CDHR4: variants seen among roughly 807,000 people sequenced by gnomAD.
CDHR4 encodes the protein cadherin-related family member 4.
CDHR4 carries 89 observed loss-of-function variants against 88.4 expected under a neutral mutation model. The ratio of observed to expected loss-of-function variants is 1.01; its 90% CI spans 0.85 to 1.20. The LOEUF is 1.20. Ranked by LOEUF, CDHR4 falls within the 50% of genes most tolerant of loss-of-function variation. CDHR4 has a pLI of 0.00. For synonymous variants in CDHR4, 368 were observed against 399.2 expected (o/e 0.92, Z 0.93); for missense variants, 914 against 1,007.2 (o/e 0.91, Z 1.25).
chr3:49,791,889 C>T lies in CDHR4; in HGVS notation c.2195+14G>A. The T allele has an allele frequency of 6.4e-7, 1 of 1,551,692 alleles. No homozygotes were observed. The highest frequency in any genetic ancestry group is 8.7e-7 in the Non-Finnish European group (1 of 1,146,972). ...ATGGGATCCCAGGCATAGAAGTATG[C>T]AAAGGAGACTGACCTGTTTAGCAGC... On this transcript the variant is annotated intron_variant, in intron 16 of 18. Coordinates refer to ENST00000412678, the MANE Select transcript of CDHR4 (RefSeq NM_001007540.4).
At chr3:49,799,670 C>A (rs1374759443) in intron 1 of CDHR4, 94 bp downstream of exon 1, 14 of 1,391,944 alleles carry the variant, frequency 1.0e-5, no homozygotes, top group East Asian at 2.3e-5. Flanking sequence ...ACTTTCCTAC[C>A]TCTCCCCCAA....
chr3:49,794,806 CCT>C (rs1241360066), intron 9 of CDHR4, 105 bp from the exon 10 acceptor site: 1 of 1,426,102 alleles, frequency 7.0e-7, no homozygotes, highest in Non-Finnish European at 9.5e-7. Flanking sequence ...TTGCCTGGAT[CCT>C]GTTTTCCAGA....
Position 49,798,811 on chromosome 3 carries a change from A to C in CDHR4, c.495+15T>G. On this transcript the variant is annotated intron_variant, in intron 4 of 18. Transcript: ENST00000412678. The stretch of plus-strand genomic sequence containing the variant: ...CCCCCATCCTGTCACCCACCGTCCC[A>C]TGTTCTGGGCTTACCTGCGCTCCGT... The C allele has an allele frequency of 6.2e-7, 1 of 1,611,114 alleles. No individual in the cohort carries two copies. Among genetic ancestry groups the C allele is most frequent in the Non-Finnish European group, 8.5e-7 (1 of 1,177,940 alleles).
chr3:49,791,700 G>A lies in CDHR4; in HGVS notation c.2283+14C>T. On this transcript the variant is annotated intron_variant, in intron 17 of 18. Coordinates refer to ENST00000412678, the MANE Select transcript of CDHR4 (RefSeq NM_001007540.4). ...CCCTTGGTGTCCACTACTTGAGATG[G>A]TGAGCTGACATACCAGACTCATGAC... 1 of 1,551,392 alleles carries A rather than the reference G, an allele frequency of 6.4e-7. No homozygotes were observed.
At chr3:49,791,549 C>T (rs571275236) in intron 17 of CDHR4, 81 bp from the exon 18 acceptor site, 4 of 1,508,850 alleles carry the variant, frequency 2.7e-6, no homozygotes, top group East Asian at 2.5e-5. Context: ...CCCTAGGGGG[C>T]CAGAAGCCCA....
chr3:49,791,740 G>A lies in CDHR4; in HGVS notation c.2257C>T (p.Gln753Ter), dbSNP rs2081182954. 1.9e-6 allele frequency: 3 copies of A among 1,551,684 alleles called. No individual in the cohort carries two copies. The highest frequency in any genetic ancestry group is 2.6e-6 in the Non-Finnish European group (3 of 1,146,978). Residue 753 changes from glutamine to a stop codon, truncating the protein, a stop_gained, in exon 17 of 19, where the codon CAG becomes TAG. Coordinates refer to ENST00000412678, the MANE Select transcript of CDHR4 (RefSeq NM_001007540.4). LOFTEE classifies it high-confidence loss of function. ...FLEAPKMEMS[Q>*]APSSVMSLHF... Reference sequence around the variant, plus strand: ...AGACTCATGACACTGCTGGGTGCCTGGGACATCTCCATCTTCGGTGCCTCC... The same window carrying A: ...AGACTCATGACACTGCTGGGTGCCTAGGACATCTCCATCTTCGGTGCCTCC...
chr3:49,793,587 A>G lies in CDHR4; in HGVS notation c.1619T>C (p.Val540Ala), dbSNP rs777124677. 1.5e-5 allele frequency: 23 copies of G among 1,551,468 alleles called. No homozygotes were observed. In the South Asian group the frequency reaches 2.6e-4, roughly 18 times the overall value. Residue 540 changes from valine (V) to alanine (A), a missense_variant, in exon 12 of 19, where the codon GTT (valine) becomes GCT (alanine). Physicochemically the swap from Val to Ala is moderately conservative, Grantham distance 64 (BLOSUM62 0). Coordinates refer to ENST00000412678, the MANE Select transcript of CDHR4 (RefSeq NM_001007540.4). ...LSGSCTITIEVEDVNDHAPEC... is the reference protein window; with the variant it reads ...LSGSCTITIEAEDVNDHAPEC... ...AAAGCCTTAGGACGCAATTACCTCA[A>G]CCTCGATGGTAATGGTACAGGAGCC...
rs1277489833 is a variant in CDHR4 at position 49,793,903 on chromosome 3, T to A, written c.1383A>T (p.Leu461=). The part of the protein sequence containing the change: ...RVQEDAAPHT[L]LGSVVGTDMD... ...TATCCGTGCCCACCACGGAGCCCAG[T>A]AGAGTGTGGGGCGCCGCATCCTCCT... is the stretch of plus-strand genomic sequence containing the variant. Residue 461 remains leucine, a synonymous_variant, in exon 11 of 19, where the codon CTA becomes CTT. Transcript: ENST00000412678. 1.9e-6 allele frequency: 3 copies of A among 1,551,556 alleles called. No individual in the cohort carries two copies. Among genetic ancestry groups the A allele is most frequent in the Non-Finnish European group, 2.6e-6 (3 of 1,146,984 alleles).
intron 5 of CDHR4, among the ~76,000 whole-genome samples, chr3:49,796,544 C>G (rs1161046836): frequency 6.6e-6 from 1 of 152,124 alleles, no homozygotes; most frequent in Non-Finnish European, 1.5e-5. Flanking sequence ...TCCATGTTGG[C>G]CAGGCTGGTC....
rs370105554 is a variant in CDHR4, at chr3:49,792,895, G to A, written c.1954C>T (p.Arg652Trp). Residue 652 changes from arginine (R) to tryptophan (W), a missense_variant, in exon 14 of 19, where the codon CGG (arginine) becomes TGG (tryptophan). Physicochemically the swap from Arg to Trp is moderately radical, Grantham distance 101. Coordinates refer to ENST00000412678, the MANE Select transcript of CDHR4 (RefSeq NM_001007540.4). ...CTGGTGGCCACTGTGCTGGCCCTCC[G>A]GGGAACTAGATGCACAATAATGGTG... ...TATIIVHLVP[R>W]RASTVATSTH... The A allele has an allele frequency of 3.5e-5, 55 of 1,549,718 alleles. No homozygotes were observed. The highest frequency in any genetic ancestry group is 7.9e-5 in the Admixed American group (4 of 50,936).
In CDHR4 at chr3:49,799,333, T is replaced by G. The variant is rs937559414; in HGVS notation, c.154A>C (p.Thr52Pro). Reference sequence around the variant, plus strand: ...GGCTGGACATTGAGCAACTCCAGGGTGGGTGTGGGCGTGTAGGAGGAGCAG... The same window carrying G: ...GGCTGGACATTGAGCAACTCCAGGGGGGGTGTGGGCGTGTAGGAGGAGCAG... The part of the protein sequence containing the change: ...FNCSSYTPTP[T>P]LELLNVQPPT... The change falls in exon 2 of 19, where the codon ACC becomes CCC. Residue 52 changes from threonine (T) to proline (P), a missense_variant. Thr to Pro is a conservative substitution (Grantham distance 38, BLOSUM62 -1). Transcript: ENST00000412678. 1 of 1,613,576 alleles carries G rather than the reference T, an allele frequency of 6.2e-7. No homozygotes were observed. Among genetic ancestry groups the G allele is most frequent in the Non-Finnish European group, 8.5e-7 (1 of 1,179,794 alleles).
upstream of CDHR4, among the ~76,000 whole-genome samples, chr3:49,800,357 C>G (rs572144811): frequency 6.6e-6 from 1 of 151,876 alleles, no homozygotes; most frequent in East Asian, 1.9e-4. Context: ...GAGACCCCAT[C>G]TCTACAAAAA....
chr3:49,793,744 T>C, intron 11 of CDHR4, 22 bp from the exon 12 acceptor site: 1 of 1,551,604 alleles, frequency 6.4e-7, no homozygotes, highest in Non-Finnish European at 8.7e-7. Flanking sequence ...GACCACAGCT[T>C]CAGCCTGCAG....
Position 49,798,936 on chromosome 3 carries a change from A to T in CDHR4, c.404-19T>A. The T allele has an allele frequency of 1.9e-6, 3 of 1,612,246 alleles. No individual in the cohort carries two copies. Among genetic ancestry groups the T allele is most frequent in the Non-Finnish European group, 2.5e-6 (3 of 1,179,284 alleles). On this transcript the variant is annotated intron_variant, in intron 3 of 18. Coordinates refer to ENST00000412678, the MANE Select transcript of CDHR4 (RefSeq NM_001007540.4). ...TCCCCAGCTGGCCAGAGTGGAGGTC[A>T]GGGAGGATCTGCTCAGGCCATGCCT...
At chr3:49,793,350 C>T (rs1447525500) in intron 12 of CDHR4, 39 bp from the exon 13 acceptor site, 1 of 1,541,234 alleles carries the variant, frequency 6.5e-7, no homozygotes, top group East Asian at 2.4e-5. Context: ...GTGGAACCCA[C>T]CCCCTAAACC....
At chr3:49,797,145 A>G (rs1190503151) in intron 4 of CDHR4, 113 bp from the exon 5 acceptor site, 1 of 650,828 alleles carries the variant, frequency 1.5e-6, no homozygotes, top group African/African-American at 1.8e-5. Flanking sequence ...CCTACACCCA[A>G]TTTATTTTCC....
chr3:49,791,329 T>C (rs2081176204), intron 18 of CDHR4, 112 bp downstream of exon 18: 1 of 1,185,316 alleles, frequency 8.4e-7, no homozygotes, highest in Non-Finnish European at 1.2e-6. Context: ...AGCAGATAGA[T>C]GGTGGGTTCC....
chr3:49,791,358 T>C (rs1263124187), intron 18 of CDHR4, 83 bp downstream of exon 18: 8 of 1,424,188 alleles, frequency 5.6e-6, no homozygotes, highest in South Asian at 2.8e-5. Context: ...GGAGGAGATA[T>C]TGAGATGGGG....
Position 49,795,323 on chromosome 3 carries a change from C to T in CDHR4, c.904G>A (p.Ala302Thr), listed in dbSNP as rs899981106. 15 of 1,551,414 alleles carry T rather than the reference C, an allele frequency of 9.7e-6. No individual in the cohort carries two copies. Among genetic ancestry groups the T allele is most frequent in the Middle Eastern group, 3.3e-4 (2 of 6,008 alleles). The change falls in exon 8 of 19, where the codon GCG becomes ACG. Residue 302 changes from alanine (A) to threonine (T), a missense_variant. Physicochemically the swap from Ala to Thr is moderately conservative, Grantham distance 58 (BLOSUM62 0). Coordinates refer to ENST00000412678, the MANE Select transcript of CDHR4 (RefSeq NM_001007540.4). This position sits in a 1 kb window ranked among gnomAD's most constrained non-coding sequence, Gnocchi z 5.4. ...GCCTTCACCTGCAGCCTGGAGACCG[C>T]GGTGCCTGAGGTGCGAGCTAACTCT... Reference protein sequence around the residue: ...PLELARTSGTAVSRLQVKAFE... With the variant: ...PLELARTSGTTVSRLQVKAFE...
Sources: gnomAD v4.1 joint callset for allele counts (sites outside exome capture counted in the v4.1 genomes callset) on GRCh38, gnomAD v4.1.1 for gene constraint, Gnocchi (gnomAD v3.1) non-coding constraint, MANE v1.5 for transcripts, NCBI Gene and HGNC (gene_info 2026-07-23, HGNC 2026-07-21) for gene names.